OLFML2B: variants seen among roughly 807,000 people sequenced by gnomAD.
OLFML2B encodes olfactomedin like 2B, also known as olfactomedin-like protein 2B.
OLFML2B carries 57 observed loss-of-function variants against 74.9 expected under a neutral mutation model. That is an observed-to-expected ratio of 0.76 (90% CI 0.61 to 0.95). OLFML2B has a LOEUF of 0.95. Ranked by LOEUF, OLFML2B falls within the 40% of genes least tolerant of loss-of-function variation. The probability of loss-of-function intolerance (pLI) is 0.00; values close to 1 mark genes in which losing one functional copy is unlikely to be tolerated. For missense variants in OLFML2B, 986 were observed against 970.6 expected (o/e 1.02, Z -0.21); for synonymous variants, 388 against 405.8 (o/e 0.96, Z 0.53).
chr1:162,000,118 T>G lies in OLFML2B; in HGVS notation c.944A>C (p.Glu315Ala). The G allele has an allele frequency of 6.3e-7, 1 of 1,589,652 alleles. No individual in the cohort carries two copies. Among genetic ancestry groups the G allele is most frequent in the South Asian group, 1.1e-5 (1 of 89,488 alleles). Residue 315 changes from glutamate (E) to alanine (A), a missense_variant, in exon 5 of 8, where the codon GAG becomes GCG. Transcript: ENST00000294794. ...CCCTGTTGACCCCAACTCACGCTGC[T>G]CTTCAATGTCATTCTCTTCTTCAGA... ...KVSEEENDIE[E>A]QQDEFFSGDN...
rs766152882 is a variant in OLFML2B, at chr1:161,997,927, TGACTGTGGTGGGAGGCACTGG to T, written c.1351_1371del (p.Pro451_Val457del). The T allele has an allele frequency of 1.2e-6, 2 of 1,614,270 alleles. No homozygotes were observed. Among genetic ancestry groups the T allele is most frequent in the South Asian group, 2.2e-5 (2 of 91,086 alleles). ...GCATCTTTCCCCAGCGAGTCTGTTC[TGACTGTGGTGGGAGGCACTGG>T]GACTGTGTGCATAGCTTCCATCAAT... is the stretch of plus-strand genomic sequence containing the variant. On this transcript the variant is annotated inframe_deletion, in exon 6 of 8. Coordinates refer to ENST00000294794, the MANE Select transcript of OLFML2B (RefSeq NM_015441.3).
chr1:161,996,013 G>T (rs1042043020), intron 6 of OLFML2B, among the ~76,000 whole-genome samples: 1 of 152,136 alleles, frequency 6.6e-6, no homozygotes, highest in Non-Finnish European at 1.5e-5. Context: ...CAGAAACACA[G>T]CAGGACCCCT....
chr1:161,985,086 T>A, intron 6 of OLFML2B, 106 bp from the exon 7 acceptor site: 1 of 1,201,758 alleles, frequency 8.3e-7, no homozygotes, highest in Non-Finnish European at 1.2e-6. Flanking sequence ...CGGCAGGCTT[T>A]AACAGCCCTG....
At chr1:162,006,760 C>G (rs369950345) in intron 3 of OLFML2B, among the ~76,000 whole-genome samples, 114 of 152,270 alleles carry the variant, frequency 7.5e-4, no homozygotes, top group African/African-American at 2.6e-3. Flanking sequence ...TCTGGGCCAC[C>G]AGGACACCAG....
intron 4 of OLFML2B, among the ~76,000 whole-genome samples, chr1:162,001,951 C>T (rs1004283016): frequency 1.3e-5 from 2 of 152,216 alleles, no homozygotes; most frequent in African/African-American, 4.8e-5. Flanking sequence ...TGAGAGTGCC[C>T]TGTGACAGCT....
chr1:161,994,122 T>C (rs562450862), intron 6 of OLFML2B, among the ~76,000 whole-genome samples: 1 of 152,300 alleles, frequency 6.6e-6, no homozygotes, highest in South Asian at 2.1e-4. Context: ...TCTGAGCAAG[T>C]TGGGTTAGGA....
intron 6 of OLFML2B, 81 bp from the exon 7 acceptor site, chr1:161,985,061 A>G: frequency 4.1e-6 from 6 of 1,448,572 alleles, no homozygotes; most frequent in Non-Finnish European, 4.7e-6. Flanking sequence ...TCATCCATTT[A>G]GAGTCTGGAC....
At position 161,983,570 on chromosome 1, in the gene OLFML2B, T is replaced by C. The variant is rs969365803; in HGVS notation, c.*105A>G. 2 of 1,223,262 alleles carry C rather than the reference T, an allele frequency of 1.6e-6. No individual in the cohort carries two copies. Among genetic ancestry groups the C allele is most frequent in the African/African-American group, 3.1e-5 (2 of 64,972 alleles). The allele number at this position is 1,223,262 out of a possible 1,614,324, so 75.8% of individuals were successfully genotyped here. On this transcript the variant is annotated 3_prime_UTR_variant, in exon 8 of 8. Transcript: ENST00000294794. The stretch of plus-strand genomic sequence containing the variant: ...ATTTGCAATATTATACAAAATAATA[T>C]ATATTTTTAAACAACACATACCCAC...
intron 6 of OLFML2B, among the ~76,000 whole-genome samples, chr1:161,993,268 G>T (rs554023816): frequency 6.6e-5 from 10 of 152,296 alleles, no homozygotes; most frequent in African/African-American, 2.4e-4. Context: ...TCTTTGCCTA[G>T]CTAATTTCCC....
At chr1:162,015,794 C>T (rs1558067744) in intron 3 of OLFML2B, among the ~76,000 whole-genome samples, 1 of 152,162 alleles carries the variant, frequency 6.6e-6, no homozygotes, top group Non-Finnish European at 1.5e-5. Flanking sequence ...ACTCAAGATG[C>T]CCAGGGTCCT....
At chr1:162,010,274 A>T (rs1553250628) in intron 3 of OLFML2B, among the ~76,000 whole-genome samples, 2 of 152,236 alleles carry the variant, frequency 1.3e-5, no homozygotes, top group Non-Finnish European at 2.9e-5. Context: ...AACAAGTGCC[A>T]TGTGCAGGAG....
chr1:161,997,968 A>C lies in OLFML2B; in HGVS notation c.1331T>G (p.Met444Arg). Residue 444 changes from methionine (M) to arginine (R), a missense_variant, in exon 6 of 8, where the codon ATG (methionine) becomes AGG (arginine). Physicochemically the swap from Met to Arg is moderately conservative, Grantham distance 91 (BLOSUM62 -1). Coordinates refer to ENST00000294794, the MANE Select transcript of OLFML2B (RefSeq NM_015441.3). ...CACTGGGACTGTGTGCATAGCTTCC[A>C]TCAATGCCTCCCTGGGAGACACTGC... ...PPAVSPREALMEAMHTVPVPP... is the reference protein window; with the variant it reads ...PPAVSPREALREAMHTVPVPP... The C allele has an allele frequency of 5.0e-6, 8 of 1,614,198 alleles. No individual in the cohort carries two copies. The highest frequency in any genetic ancestry group is 1.3e-5 in the African/African-American group (1 of 75,050).
chr1:161,990,302 A>C (rs1227491716), intron 6 of OLFML2B, among the ~76,000 whole-genome samples: 1 of 152,272 alleles, frequency 6.6e-6, no homozygotes, highest in Non-Finnish European at 1.5e-5. Context: ...AACATTGCAC[A>C]ATATAAAGAT....
At chr1:161,991,759 C>A (rs1187329748) in intron 6 of OLFML2B, among the ~76,000 whole-genome samples, 1 of 152,114 alleles carries the variant, frequency 6.6e-6, no homozygotes, top group Non-Finnish European at 1.5e-5. Context: ...TTTTTCTGAG[C>A]AGTAGGTCTC....
chr1:162,016,767 C>T (rs904123505), intron 3 of OLFML2B, among the ~76,000 whole-genome samples: 2 of 152,168 alleles, frequency 1.3e-5, no homozygotes, highest in Non-Finnish European at 2.9e-5. Context: ...TAACAACTCC[C>T]AGCTCCCTTC....
rs2101985533 is a variant in OLFML2B at position 162,023,811 on chromosome 1, C to G, written c.-381G>C. ...GGGCGGCGGGGAGCCTCGGGACGCA[C>G]GGGGACCGGACACGGGGAGGGAAGA... On this transcript the variant is annotated 5_prime_UTR_variant, in exon 1 of 8. Transcript: ENST00000294794. The G allele has an allele frequency of 6.2e-6, 1 of 161,840 alleles. No individual in the cohort carries two copies. Among genetic ancestry groups the G allele is most frequent in the African/African-American group, 2.4e-5 (1 of 41,902 alleles). 10.0% of individuals were successfully genotyped at this position (161,840 alleles called of 1,614,324 possible). A position where few individuals can be genotyped will look rare whatever the true frequency, so the allele number is the denominator to read the frequency against.
intron 6 of OLFML2B, among the ~76,000 whole-genome samples, chr1:161,995,400 C>T (rs908645277): frequency 6.6e-6 from 1 of 152,254 alleles, no homozygotes; most frequent in Admixed American, 6.5e-5. Context: ...CATGATGATG[C>T]TATTCTAGTT....
At chr1:161,985,210 C>A (rs1689558837) in intron 6 of OLFML2B, 3 of 462,166 alleles carry the variant, frequency 6.5e-6, no homozygotes, top group Non-Finnish European at 3.8e-6. Context: ...AACTTTCACA[C>A]CACTATGCTT....
Position 161,983,852 on chromosome 1 carries a change from C to T in OLFML2B, c.2076G>A (p.Arg692=). 6.2e-7 allele frequency: 1 copy of T among 1,614,200 alleles called. No individual in the cohort carries two copies. Among genetic ancestry groups the T allele is most frequent in the Non-Finnish European group, 8.5e-7 (1 of 1,180,036 alleles). ...VLYAVDSYNQ[R]NANISYAFDT... ...CGAAAGCGTAGGAGATGTTGGCATTCCGCTGGTTGTAGCTATCCACGGCAT... is the reference window on the plus strand; with the variant it reads ...CGAAAGCGTAGGAGATGTTGGCATTTCGCTGGTTGTAGCTATCCACGGCAT... Residue 692 remains arginine (R), a synonymous_variant, in exon 8 of 8, where the codon CGG becomes CGA. Transcript: ENST00000294794.
Sources: allele counts gnomAD v4.1 joint callset (sites outside exome capture counted in the v4.1 genomes callset), GRCh38; gene constraint gnomAD v4.1.1; transcripts MANE v1.5; gene names NCBI Gene and HGNC (gene_info 2026-07-23, HGNC 2026-07-21).